NCALD: variants seen among roughly 807,000 people sequenced by gnomAD.
NCALD encodes neurocalcin-delta.
In NCALD, 10 loss-of-function variants were observed where a neutral mutation model predicts 18.6. The ratio of observed to expected loss-of-function variants is 0.54; its 90% CI spans 0.33 to 0.91. The LOEUF is 0.91. Ranked by LOEUF, NCALD falls within the 40% of genes least tolerant of loss-of-function variation. NCALD has a pLI of 0.03. For missense variants in NCALD, 184 were observed against 247.6 expected (o/e 0.74, Z 1.72); for synonymous variants, 88 against 87.4 (o/e 1.01, Z -0.04).
rs1249447739 is a variant in NCALD, at chr8:101,690,208, G to A, written c.485-802C>T. ...TCACTTGTGGAGAGGAGGGGAGGGG[G>A]TGGGGTAGGAGTTGGGGGACTGCAA... is the stretch of plus-strand genomic sequence containing the variant. On this transcript the variant is annotated intron_variant, in intron 3 of 3. Coordinates refer to ENST00000220931, the MANE Select transcript of NCALD (RefSeq NM_032041.3). 1.1e-5 allele frequency: 11 copies of A among 975,798 alleles called. No individual in the cohort carries two copies. In the South Asian group the frequency reaches 2.9e-4, roughly 25 times the overall value. 60.4% of individuals were successfully genotyped at this position (975,798 alleles called of 1,614,324 possible).
intron 1 of NCALD, among the ~76,000 whole-genome samples, chr8:101,759,573 G>A (rs1231636399): frequency 2.0e-5 from 3 of 152,190 alleles, no homozygotes; most frequent in East Asian, 3.8e-4. Flanking sequence ...TGCTGTCAGG[G>A]CTAGGAGAGC....
chr8:101,820,429 G>C (rs1313320786), intron 4 of NCALD, among the ~76,000 whole-genome samples: 1 of 152,156 alleles, frequency 6.6e-6, no homozygotes, highest in Non-Finnish European at 1.5e-5. Context: ...TAAACGAGTA[G>C]ATGAATCGAT....
chr8:101,937,045 C>T (rs893623686), intron 2 of NCALD, among the ~76,000 whole-genome samples: 1 of 152,130 alleles, frequency 6.6e-6, no homozygotes, highest in Admixed American at 6.5e-5. Flanking sequence ...CTGGCAATCA[C>T]AGAGATGACT....
chr8:101,830,591 C>T (rs568327460), intron 4 of NCALD, among the ~76,000 whole-genome samples: 4 of 151,906 alleles, frequency 2.6e-5, no homozygotes, highest in Non-Finnish European at 5.9e-5. Context: ...CTTATTAGCT[C>T]AGATGACATT....
At chr8:101,939,940 C>A (rs138008818) in intron 2 of NCALD, among the ~76,000 whole-genome samples, 13 of 152,322 alleles carry the variant, frequency 8.5e-5, no homozygotes, top group African/African-American at 2.6e-4. Flanking sequence ...CTTTAAAGCC[C>A]ATGGGTGCTT....
intron 3 of NCALD, among the ~76,000 whole-genome samples, chr8:101,896,682 A>C (rs1343327743): frequency 6.6e-6 from 1 of 150,816 alleles, no homozygotes; most frequent in Non-Finnish European, 1.5e-5. Flanking sequence ...AAAAACAAAC[A>C]ACCCCATCAA....
intron 2 of NCALD, among the ~76,000 whole-genome samples, chr8:101,985,092 C>T (rs1173574773): frequency 6.6e-6 from 1 of 152,230 alleles, no homozygotes; most frequent in Non-Finnish European, 1.5e-5. Context: ...AAGTTACTCA[C>T]ATAAAGCATA....
intron 1 of NCALD, among the ~76,000 whole-genome samples, chr8:102,087,670 T>C (rs1286318686): frequency 6.6e-6 from 1 of 152,224 alleles, no homozygotes; most frequent in African/African-American, 2.4e-5. Context: ...TTTGGATTAA[T>C]CTGCCTTGCA....
At chr8:101,887,411 T>C (rs577592526) in intron 3 of NCALD, among the ~76,000 whole-genome samples, 1 of 152,290 alleles carries the variant, frequency 6.6e-6, no homozygotes, top group African/African-American at 2.4e-5. Context: ...TACTCAGGAA[T>C]GAGTCTTGTA....
chr8:102,020,716 G>C (rs542366607), intron 1 of NCALD, among the ~76,000 whole-genome samples: 4 of 152,234 alleles, frequency 2.6e-5, no homozygotes, highest in South Asian at 2.1e-4. Context: ...TCTTCTCCTG[G>C]AACCCCTTCC....
chr8:101,990,248 G>A (rs1010639663), intron 2 of NCALD, among the ~76,000 whole-genome samples: 4 of 152,182 alleles, frequency 2.6e-5, no homozygotes, highest in Admixed American at 6.5e-5. Context: ...CTTACAAAAC[G>A]TGATGATAGC....
chr8:102,028,663 C>A (rs1166657222), intron 1 of NCALD, among the ~76,000 whole-genome samples: 1 of 152,224 alleles, frequency 6.6e-6, no homozygotes, highest in African/African-American at 2.4e-5. Context: ...TGCCCCAACA[C>A]AAGCCAGTCT....
intron 4 of NCALD, among the ~76,000 whole-genome samples, chr8:101,817,172 C>T (rs931070384): frequency 6.6e-6 from 1 of 152,094 alleles, no homozygotes. Context: ...GAGAATGATT[C>T]TTGTGCCAGA....
intron 2 of NCALD, among the ~76,000 whole-genome samples, chr8:101,942,656 T>C (rs1436910156): frequency 6.6e-6 from 1 of 152,226 alleles, no homozygotes; most frequent in Non-Finnish European, 1.5e-5. Context: ...CTCAGTGAGA[T>C]AGAGAATAAT....
At chr8:102,030,863 G>A (rs368938289) in intron 1 of NCALD, among the ~76,000 whole-genome samples, 3 of 151,080 alleles carry the variant, frequency 2.0e-5, no homozygotes, top group South Asian at 2.1e-4. Flanking sequence ...GCAACAGAGT[G>A]AGACTCCATC....
chr8:102,099,987 A>C (rs1288762619), intron 1 of NCALD, among the ~76,000 whole-genome samples: 1 of 96,190 alleles, frequency 1.0e-5, no homozygotes, highest in Non-Finnish European at 2.3e-5. Context: ...GTCTCAAAAA[A>C]AAAAAAAAGA....
intron 1 of NCALD, among the ~76,000 whole-genome samples, chr8:101,767,878 T>C (rs1228353392): frequency 2.0e-5 from 3 of 152,220 alleles, no homozygotes; most frequent in African/African-American, 7.2e-5. Context: ...GTGTTTGTTC[T>C]CTGCAGGTTA....
intron 1 of NCALD, among the ~76,000 whole-genome samples, chr8:101,779,365 G>A (rs775900648): frequency 6.6e-6 from 1 of 152,032 alleles, no homozygotes; most frequent in Non-Finnish European, 1.5e-5. Flanking sequence ...TAATAATTAA[G>A]CACCAACAAT....
intron 1 of NCALD, among the ~76,000 whole-genome samples, chr8:102,047,178 C>T (rs1338379738): frequency 3.3e-5 from 5 of 152,114 alleles, no homozygotes; most frequent in Non-Finnish European, 5.9e-5. Flanking sequence ...TAGTATTCCA[C>T]GGTGTATAGG....
Sources: gnomAD v4.1 joint callset for allele counts (sites outside exome capture counted in the v4.1 genomes callset) on GRCh38, gnomAD v4.1.1 for gene constraint, MANE v1.5 for transcripts, NCBI Gene and HGNC (gene_info 2026-07-23, HGNC 2026-07-21) for gene names.